SPIRE1: variants seen among roughly 807,000 people sequenced by gnomAD.
The protein encoded by SPIRE1 is protein spire homolog 1.
SPIRE1 carries 40 observed loss-of-function variants against 94.1 expected under a neutral mutation model. That is an observed-to-expected ratio of 0.43 (90% CI 0.33 to 0.55). The LOEUF (loss-of-function observed/expected upper bound fraction) is 0.55, where lower values mean the gene tolerates loss of function less well. SPIRE1 is among the 20% of genes least tolerant of loss of function. SPIRE1 has a pLI of 0.06. For missense variants in SPIRE1, 838 were observed against 975.2 expected (o/e 0.86, Z 1.87); for synonymous variants, 376 against 371.7 (o/e 1.01, Z -0.13).
intron 2 of SPIRE1, among the ~76,000 whole-genome samples, chr18:12,609,214 G>A (rs1382073584): frequency 2.6e-5 from 4 of 152,190 alleles, no homozygotes; most frequent in African/African-American, 7.2e-5. Flanking sequence ...GTGGCCCGGG[G>A]ATTGCAGACC....
chr18:12,508,922 G>A (rs922626023), intron 5 of SPIRE1, among the ~76,000 whole-genome samples: 6 of 152,106 alleles, frequency 3.9e-5, no homozygotes, highest in African/African-American at 9.7e-5. Flanking sequence ...TGATTCAGCC[G>A]CCTTGGCCTC....
rs892508690 is a variant in SPIRE1, at chr18:12,483,169, G to T, written c.1231+2790C>A. ...AGGGTTTTGCCATGTTGCCCAGGCT[G>T]GTCTTATTTTAAACTCCTGGGCTTA... On this transcript the variant is annotated intron_variant, in intron 9 of 16. Coordinates refer to ENST00000409402, the MANE Select transcript of SPIRE1 (RefSeq NM_001128626.2). 1.6e-4 allele frequency among the ~76,000 whole-genome samples: 24 copies of T among 152,082 alleles called. No individual in the cohort carries two copies. The East Asian group carries it at 4.6e-3, about 29-fold the overall frequency.
chr18:12,567,658 G>C (rs765309885), intron 2 of SPIRE1, among the ~76,000 whole-genome samples: 3 of 151,982 alleles, frequency 2.0e-5, no homozygotes, highest in Non-Finnish European at 2.9e-5. Context: ...AAGTCCTTTG[G>C]GGAAGGATTA....
At chr18:12,626,884 A>ATTT (rs1375522904) in intron 2 of SPIRE1, among the ~76,000 whole-genome samples, 4 of 54,536 alleles carry the variant, frequency 7.3e-5, no homozygotes, top group East Asian at 1.6e-3. Flanking sequence ...ATATATATAT[A>ATTT]TATTTTTTTT....
At chr18:12,533,144 A>G (rs911456008) in intron 4 of SPIRE1, among the ~76,000 whole-genome samples, 6 of 152,324 alleles carry the variant, frequency 3.9e-5, no homozygotes, top group Admixed American at 3.9e-4. Flanking sequence ...GTAGAAACAG[A>G]GGAGAAGGAG....
Position 12,462,469 on chromosome 18 carries a change from C to T in SPIRE1, c.1638+882G>A, listed in dbSNP as rs1035869753. ...GGCGCTACAAAAGAGTCTTTGGAGACCTCTGTTGGCTGGGAGATCTACTAA... is the reference window on the plus strand; with the variant it reads ...GGCGCTACAAAAGAGTCTTTGGAGATCTCTGTTGGCTGGGAGATCTACTAA... On this transcript the variant is annotated intron_variant, in intron 12 of 16. Transcript: ENST00000409402. Among the ~76,000 whole-genome samples, 8 of 152,252 alleles carry T rather than the reference C, an allele frequency of 5.3e-5. No individual in the cohort carries two copies. In the East Asian group the frequency reaches 1.2e-3, roughly 22 times the overall value.
At chr18:12,596,497 AT>A (rs1299787855) in intron 2 of SPIRE1, among the ~76,000 whole-genome samples, 1 of 152,174 alleles carries the variant, frequency 6.6e-6, no homozygotes, top group African/African-American at 2.4e-5. Context: ...ATGAAAAAAT[AT>A]TTTTTCCCAC....
Position 12,570,080 on chromosome 18 carries a change from C to G in SPIRE1, c.373-23176G>C, listed in dbSNP as rs77439900. On this transcript the variant is annotated intron_variant, in intron 2 of 16. Coordinates refer to ENST00000409402, the MANE Select transcript of SPIRE1 (RefSeq NM_001128626.2). ...ACCAATGCTTCATGCAGAGCACCCA[C>G]CACGTATCCCATAATCAAGTCTTCC... 4.6e-4 allele frequency among the ~76,000 whole-genome samples: 70 copies of G among 152,300 alleles called. No homozygotes were observed. In the East Asian group the frequency reaches 0.013, roughly 29 times the overall value.
intron 1 of SPIRE1, among the ~76,000 whole-genome samples, chr18:12,655,518 C>T (rs1347145229): frequency 6.6e-6 from 1 of 152,172 alleles, no homozygotes; most frequent in East Asian, 1.9e-4. Flanking sequence ...TCCTCCATAA[C>T]TGGTAGCGCA....
intron 1 of SPIRE1, chr18:12,652,856 TC>T (rs2038420141): frequency 6.6e-6 from 1 of 152,154 alleles, no homozygotes; most frequent in African/African-American, 2.4e-5. Context: ...CCACATTCAG[TC>T]CCCTAAAAAG....
rs80094847 is a variant in SPIRE1 at position 12,506,658 on chromosome 18, T to C, written c.808-17A>G. On this transcript the variant is annotated splice_polypyrimidine_tract_variant and intron_variant, in intron 5 of 16. Transcript: ENST00000409402. Reference sequence around the variant, plus strand: ...GAATCGTGCCTGAAAGAACCAAGGATAGAGAGACATCAATGAATAAATGTA... The same window carrying C: ...GAATCGTGCCTGAAAGAACCAAGGACAGAGAGACATCAATGAATAAATGTA... 3.7e-4 allele frequency: 596 copies of C among 1,612,222 alleles called. 1 individual carries two copies. The African/African-American group carries it at 7.4e-3, about 20-fold the overall frequency.
At position 12,506,476 on chromosome 18, in the gene SPIRE1, C is replaced by A; in HGVS notation, c.972+1G>T. The A allele has an allele frequency of 6.2e-7, 1 of 1,613,772 alleles. No individual in the cohort carries two copies. On this transcript the variant is annotated splice_donor_variant, in intron 6 of 16. Coordinates refer to ENST00000409402, the MANE Select transcript of SPIRE1 (RefSeq NM_001128626.2). LOFTEE classifies it high-confidence loss of function. ...CCCGGCCTGACAGCTTGGTTACTTA[C>A]CATCACTTTTCGCAAGGTGTATCTT... is the stretch of plus-strand genomic sequence containing the variant.
At chr18:12,545,397 A>G (rs539474454) in intron 3 of SPIRE1, among the ~76,000 whole-genome samples, 1 of 152,338 alleles carries the variant, frequency 6.6e-6, no homozygotes, top group Admixed American at 6.5e-5. Context: ...AAGGAGGCCT[A>G]AGGAACAGGG....
rs138496987 is a variant in SPIRE1, at chr18:12,623,992, C to T, written c.372+11070G>A. On this transcript the variant is annotated intron_variant, in intron 2 of 16. Coordinates refer to ENST00000409402, the MANE Select transcript of SPIRE1 (RefSeq NM_001128626.2). ...AGGTTGGTGCGCCCTGGAGTGGTCT[C>T]GGCTCACTGCAACCTCTGCCTCAAG... Among the ~76,000 whole-genome samples the T allele has an allele frequency of 3.7e-3, 549 of 147,902 alleles. 1 individual carries two copies. The highest frequency in any genetic ancestry group is 0.013 in the African/African-American group (516 of 40,088).
chr18:12,459,332 C>T (rs1441469910), intron 12 of SPIRE1, among the ~76,000 whole-genome samples: 2 of 152,124 alleles, frequency 1.3e-5, no homozygotes, highest in East Asian at 3.9e-4. Context: ...TGTGGGTGGG[C>T]GGAGTCCACC....
upstream of SPIRE1, among the ~76,000 whole-genome samples, chr18:12,659,737 C>T (rs1011340805): frequency 6.6e-6 from 1 of 152,006 alleles, no homozygotes; most frequent in East Asian, 1.9e-4. Context: ...AATTTCAGTA[C>T]GAGAGAGACA....
intron 8 of SPIRE1, among the ~76,000 whole-genome samples, chr18:12,486,294 C>T (rs1263974639): frequency 6.6e-6 from 1 of 152,052 alleles, no homozygotes; most frequent in African/African-American, 2.4e-5. Context: ...TAAAGAATCA[C>T]AGAATAAGAT....
intron 2 of SPIRE1, among the ~76,000 whole-genome samples, chr18:12,575,286 C>T (rs547173204): frequency 3.3e-5 from 5 of 150,132 alleles, no homozygotes; most frequent in African/African-American, 1.2e-4. Flanking sequence ...TCAGTGAACA[C>T]AAAGAGTAAA....
chr18:12,464,802 G>A, intron 11 of SPIRE1, 66 bp downstream of exon 11: 3 of 1,368,844 alleles, frequency 2.2e-6, no homozygotes, highest in South Asian at 1.2e-5. Context: ...TGGGATCTCT[G>A]CTCTAGGTCA....
Sources: gnomAD v4.1 joint callset for allele counts (sites outside exome capture counted in the v4.1 genomes callset) on GRCh38, gnomAD v4.1.1 for gene constraint, MANE v1.5 for transcripts, NCBI Gene and HGNC (gene_info 2026-07-23, HGNC 2026-07-21) for gene names.